The following RPL15 variants were observed in gnomAD, a reference collection of about 807,000 sequenced individuals.
RPL15 encodes the protein ribosomal protein L15.
For synonymous variants in RPL15, 97 were observed against 95.1 expected, an observed-to-expected ratio of 1.02 and a Z score of -0.12; for missense variants, 161 against 271.8, an observed-to-expected ratio of 0.59 and a Z score of 2.87.
At chr3:23,921,476 T>C (rs192460160), downstream of RPL15, 2 of 636,398 alleles carry the variant, frequency 3.1e-6, no homozygotes, top group South Asian at 3.8e-5. Context: ...AGGGTCACTT[T>C]ATTAGCTATA....
Position 23,919,310 on chromosome 3 carries a change from A to G in RPL15, c.424A>G (p.Ile142Val), listed in dbSNP as rs377507939. The change falls in exon 4 of 4, where the codon ATC becomes GTC. Residue 142 changes from isoleucine to valine, a missense_variant. Coordinates refer to ENST00000307839, the MANE Select transcript of RPL15 (RefSeq NM_002948.5). ...CCTCATTGATCCATTCCATAAAGCT[A>G]TCAGAAGAAATCCTGACACCCAGTG... ...VILIDPFHKA[I>V]RRNPDTQWIT... The G allele has an allele frequency of 2.5e-6, 4 of 1,604,638 alleles. No individual in the cohort carries two copies. The highest frequency in any genetic ancestry group is 1.7e-6 in the Non-Finnish European group (2 of 1,178,522).
chr3:23,920,614 T>C lies in RPL15; in HGVS notation c.*1113T>C, dbSNP rs1354224168. 3.2e-5 allele frequency: 32 copies of C among 985,078 alleles called. No homozygotes were observed. The highest frequency in any genetic ancestry group is 3.9e-5 in the Non-Finnish European group (32 of 829,718). 61.0% of individuals were successfully genotyped at this position (985,078 alleles called of 1,614,324 possible). Reference sequence around the variant, plus strand: ...AGACAAGGAATTGCCCAATTTTAAATTCTGACTTTGCTGACTTAATTTAAA... The same window carrying C: ...AGACAAGGAATTGCCCAATTTTAAACTCTGACTTTGCTGACTTAATTTAAA... On this transcript the variant is annotated 3_prime_UTR_variant, in exon 4 of 4. Transcript: ENST00000307839.
chr3:23,917,808 A>T, intron 1 of RPL15, 42 bp from the exon 2 acceptor site: 1 of 1,551,180 alleles, frequency 6.4e-7, no homozygotes. Context: ...GTCTTATTGT[A>T]CTTAAAGCGG....
chr3:23,918,618 G>C (rs1320985374), intron 3 of RPL15, 42 bp downstream of exon 3: 2 of 1,597,098 alleles, frequency 1.3e-6, no homozygotes, highest in Admixed American at 3.5e-5. Context: ...TACTGCCTGG[G>C]GATGGTGGGA....
downstream of RPL15, chr3:23,921,529 C>T: frequency 4.5e-6 from 3 of 673,008 alleles, no homozygotes; most frequent in Admixed American, 4.4e-5. Flanking sequence ...TTTACTATTT[C>T]TATATTGGCA....
chr3:23,917,950 C>T lies in RPL15; in HGVS notation c.91C>T (p.Arg31Cys). The T allele has an allele frequency of 1.2e-6, 2 of 1,613,418 alleles. No homozygotes were observed. Among genetic ancestry groups the T allele is most frequent in the Non-Finnish European group, 1.7e-6 (2 of 1,179,500 alleles). The stretch of plus-strand genomic sequence containing the variant: ...TCTGAGGGTCCGCTGCTGGCAGTAC[C>T]GCCAGCTCTCTGCTCTCCACAGGGC... ...FLLRVRCWQY[R>C]QLSALHRAPR... The change falls in exon 2 of 4, where the codon CGC becomes TGC. Residue 31 changes from arginine to cysteine, a missense_variant. Coordinates refer to ENST00000307839, the MANE Select transcript of RPL15 (RefSeq NM_002948.5).
Position 23,920,718 on chromosome 3 carries a change from C to T in RPL15, c.*1217C>T. On this transcript the variant is annotated 3_prime_UTR_variant, in exon 4 of 4. Transcript: ENST00000307839. ...AGTTAATTGATTTCCAGGAAGTACTCATAGCAAGTTCATAAAAGTTCTTGA... is the reference window on the plus strand; with the variant it reads ...AGTTAATTGATTTCCAGGAAGTACTTATAGCAAGTTCATAAAAGTTCTTGA... 1 of 983,794 alleles carries T rather than the reference C, an allele frequency of 1.0e-6. No homozygotes were observed. 60.9% of individuals were successfully genotyped at this position (983,794 alleles called of 1,614,324 possible). A position where few individuals can be genotyped will look rare whatever the true frequency, so the allele number is the denominator to read the frequency against.
At position 23,920,261 on chromosome 3, in the gene RPL15, CATT is replaced by C. The variant is rs755225847; in HGVS notation, c.*762_*764del. 32 of 985,580 alleles carry C rather than the reference CATT, an allele frequency of 3.2e-5. No individual in the cohort carries two copies. Among genetic ancestry groups the C allele is most frequent in the Non-Finnish European group, 3.7e-5 (31 of 829,822 alleles). The allele number at this position is 985,580 out of a possible 1,614,324, so 61.1% of individuals were successfully genotyped here. A position where few individuals can be genotyped will look rare whatever the true frequency, so the allele number is the denominator to read the frequency against. On this transcript the variant is annotated 3_prime_UTR_variant, in exon 4 of 4. Transcript: ENST00000307839. ...TGATCATTATGAATCCCTTCAGTCACATTAGGGGGAAAGTAGTTGGCTATAAGT... is the reference window on the plus strand; with the variant it reads ...TGATCATTATGAATCCCTTCAGTCACAGGGGGAAAGTAGTTGGCTATAAGT...
rs2125257047 is a variant in RPL15, at chr3:23,919,825, G to A, written c.*324G>A. 24 of 1,042,324 alleles carry A rather than the reference G, an allele frequency of 2.3e-5. No individual in the cohort carries two copies. The highest frequency in any genetic ancestry group is 2.7e-5 in the Non-Finnish European group (23 of 867,188). The allele number at this position is 1,042,324 out of a possible 1,614,324, so 64.6% of individuals were successfully genotyped here. On this transcript the variant is annotated 3_prime_UTR_variant, in exon 4 of 4. Coordinates refer to ENST00000307839, the MANE Select transcript of RPL15 (RefSeq NM_002948.5). ...AGCCCTGTAGATTTGTCTGGTGCATGTGATGAAACCTGCAGCTTTATCGGA... is the reference window on the plus strand; with the variant it reads ...AGCCCTGTAGATTTGTCTGGTGCATATGATGAAACCTGCAGCTTTATCGGA...
rs1705018056 is a variant in RPL15, at chr3:23,920,510, T to C, written c.*1009T>C. 4.1e-6 allele frequency: 4 copies of C among 985,198 alleles called. 1 individual carries two copies. Among genetic ancestry groups the C allele is most frequent in the South Asian group, 9.4e-5 (2 of 21,288 alleles). The allele number at this position is 985,198 out of a possible 1,614,324, so 61.0% of individuals were successfully genotyped here. A position where few individuals can be genotyped will look rare whatever the true frequency, so the allele number is the denominator to read the frequency against. ...CTTTGACTATGAGTATACCACCACA[T>C]TGCATTTCTGTTTGCACCATGTCTT... On this transcript the variant is annotated 3_prime_UTR_variant, in exon 4 of 4. Coordinates refer to ENST00000307839, the MANE Select transcript of RPL15 (RefSeq NM_002948.5).
At chr3:23,916,750 C>A (rs1486103818), upstream of RPL15, 1 of 134,332 alleles carries the variant, frequency 7.4e-6, no homozygotes, top group Non-Finnish European at 1.6e-5. Context: ...GCAGAGACTC[C>A]GCAGGGGGAG....
chr3:23,916,721 A>G (rs1467510027), upstream of RPL15: 2 of 92,644 alleles, frequency 2.2e-5, no homozygotes, highest in Admixed American at 1.2e-4. Context: ...GGGACAGCGC[A>G]GCGCGGAGAC....
At position 23,920,019 on chromosome 3, in the gene RPL15, T is replaced by C; in HGVS notation, c.*518T>C. ...CACATAAAAGGTGAAAGCTCCTGGT[T>C]CAGTGCCATGGCTTCATGGCATTCA... On this transcript the variant is annotated 3_prime_UTR_variant, in exon 4 of 4. Transcript: ENST00000307839. 1.0e-6 allele frequency: 1 copy of C among 986,644 alleles called. No individual in the cohort carries two copies. 61.1% of individuals were successfully genotyped at this position (986,644 alleles called of 1,614,324 possible). A position where few individuals can be genotyped will look rare whatever the true frequency, so the allele number is the denominator to read the frequency against.
chr3:23,922,813 T>A (rs1705134115), downstream of RPL15: 1 of 152,180 alleles, frequency 6.6e-6, no homozygotes, highest in South Asian at 2.1e-4. This position sits in a 1 kb window ranked among gnomAD's most constrained non-coding sequence, Gnocchi z 4.2. Context: ...TTTAACAATA[T>A]TTTTTTATTT....
rs1705040795 is a variant in RPL15, at chr3:23,920,847, A to G, written c.*1346A>G. ...ATAAATGTCTATTAAACTAAAACAA[A>G]TGGACCTTCTGTTATTTTTTGTCAT... On this transcript the variant is annotated 3_prime_UTR_variant, in exon 4 of 4. Coordinates refer to ENST00000307839, the MANE Select transcript of RPL15 (RefSeq NM_002948.5). 1 of 879,706 alleles carries G rather than the reference A, an allele frequency of 1.1e-6. No homozygotes were observed. The highest frequency in any genetic ancestry group is 5.2e-5 in the South Asian group (1 of 19,106). 54.5% of individuals were successfully genotyped at this position (879,706 alleles called of 1,614,324 possible).
chr3:23,918,047 C>T lies in RPL15; in HGVS notation c.172+16C>T, dbSNP rs1265487667. ...GCCAAGCAAGGTACGTGATCGACTG[C>T]GTGGATGCTTGGATAAAATTATATT... On this transcript the variant is annotated intron_variant, in intron 2 of 3. Coordinates refer to ENST00000307839, the MANE Select transcript of RPL15 (RefSeq NM_002948.5). The T allele has an allele frequency of 1.3e-6, 2 of 1,597,314 alleles. No homozygotes were observed. Among genetic ancestry groups the T allele is most frequent in the Non-Finnish European group, 8.5e-7 (1 of 1,173,394 alleles).
At position 23,918,422 on chromosome 3, in the gene RPL15, G is replaced by T. The variant is rs36038704; in HGVS notation, c.173-18G>T. Reference sequence around the variant, plus strand: ...GGCTTCCTATAAAATCACTAATTTCGTGTGTGTTTGTGTGTAGGTTACGTT... The same window carrying T: ...GGCTTCCTATAAAATCACTAATTTCTTGTGTGTTTGTGTGTAGGTTACGTT... On this transcript the variant is annotated intron_variant, in intron 2 of 3. Coordinates refer to ENST00000307839, the MANE Select transcript of RPL15 (RefSeq NM_002948.5). 140 of 1,608,680 alleles carry T rather than the reference G, an allele frequency of 8.7e-5. 1 individual carries two copies. The highest frequency in any genetic ancestry group is 1.1e-4 in the Non-Finnish European group (129 of 1,178,618).
At chr3:23,918,655 T>C in intron 3 of RPL15, 79 bp downstream of exon 3, 1 of 1,492,838 alleles carries the variant, frequency 6.7e-7, no homozygotes, top group Admixed American at 2.0e-5. Context: ...CTTTTCTGAT[T>C]GTACTTAGGT....
Position 23,919,917 on chromosome 3 carries a change from C to CT in RPL15, c.*421dup, listed in dbSNP as rs373934726. ...TTTTTTTTAGTTTGGCAGGTGTAGA[C>CT]TTTTTAAGTTGGGCTTTAGAAAATC... On this transcript the variant is annotated 3_prime_UTR_variant, in exon 4 of 4. Coordinates refer to ENST00000307839, the MANE Select transcript of RPL15 (RefSeq NM_002948.5). 1 of 990,388 alleles carries CT rather than the reference C, an allele frequency of 1.0e-6. No individual in the cohort carries two copies. The highest frequency in any genetic ancestry group is 1.7e-5 in the African/African-American group (1 of 57,304). The allele number at this position is 990,388 out of a possible 1,614,324, so 61.4% of individuals were successfully genotyped here.
Sources: gnomAD v4.1 joint callset for allele counts on GRCh38, gnomAD v4.1.1 for gene constraint, Gnocchi (gnomAD v3.1) non-coding constraint, MANE v1.5 for transcripts, NCBI Gene and HGNC (gene_info 2026-07-23, HGNC 2026-07-21) for gene names.